The following LANCL3 variants were observed in gnomAD, a reference collection of about 807,000 sequenced individuals.
LANCL3 encodes lanC-like protein 3.
LANCL3 carries 19 observed loss-of-function variants against 26.5 expected under a neutral mutation model. The observed-to-expected ratio is 0.72, with a 90% CI of 0.50 to 1.05. The LOEUF (loss-of-function observed/expected upper bound fraction) is 1.05, where lower values mean the gene tolerates loss of function less well. Among genes scored for constraint, LANCL3 ranks in the 50% least tolerant of loss-of-function variants. The pLI, the probability that LANCL3 is intolerant of heterozygous loss-of-function variation, is 0.00. For missense variants in LANCL3, 318 were observed against 362.7 expected, an observed-to-expected ratio of 0.88 and a Z score of 1.00; for synonymous variants, 160 against 166.6, an observed-to-expected ratio of 0.96 and a Z score of 0.30.
chrX:37,586,084 C>T (rs782035545), intron 1 of LANCL3, among the ~76,000 whole-genome samples: 4 of 111,329 alleles, frequency 3.6e-5, no homozygotes, highest in Non-Finnish European at 5.7e-5. Flanking sequence ...AGGAAATTCT[C>T]GGTTGAAAAT....
At chrX:37,624,153 C>G (rs1227873469) in intron 1 of LANCL3, among the ~76,000 whole-genome samples, 1 of 111,271 alleles carries the variant, frequency 9.0e-6, no homozygotes, top group Non-Finnish European at 1.9e-5. Context: ...TGCCAAATTG[C>G]CTTCCAAAGA....
chrX:37,583,330 G>A (rs1923957731), intron 1 of LANCL3, among the ~76,000 whole-genome samples: 1 of 112,020 alleles, frequency 8.9e-6, no homozygotes, highest in East Asian at 2.8e-4. Flanking sequence ...GAACTTTAAA[G>A]TAGTTTTTTC....
At chrX:37,613,879 G>A (rs1269651092) in intron 1 of LANCL3, among the ~76,000 whole-genome samples, 4 of 112,319 alleles carry the variant, frequency 3.6e-5, no homozygotes, top group African/African-American at 6.5e-5. Flanking sequence ...CAACTATTCT[G>A]TGTGCTTTTC....
chrX:37,647,389 C>T (rs892854992), intron 1 of LANCL3, among the ~76,000 whole-genome samples: 5 of 111,432 alleles, frequency 4.5e-5, no homozygotes, highest in Admixed American at 1.9e-4. Flanking sequence ...ATTGTTCATG[C>T]GTATCAAAAG....
chrX:37,621,888 A>C (rs1168100444), intron 1 of LANCL3, among the ~76,000 whole-genome samples: 1 of 111,145 alleles, frequency 9.0e-6, no homozygotes, highest in Non-Finnish European at 1.9e-5. Flanking sequence ...CTTTAGGCCA[A>C]ATTGCCTCCT....
In LANCL3 at chrX:37,572,245, G is replaced by T; in HGVS notation, c.375G>T (p.Ala125=). 1 of 1,147,058 alleles carries T rather than the reference G, an allele frequency of 8.7e-7. No individual in the cohort carries two copies. Among genetic ancestry groups the T allele is most frequent in the Non-Finnish European group, 1.2e-6 (1 of 865,743 alleles). The allele number at this position is 1,147,058 out of a possible 1,213,427, so 94.5% of individuals were successfully genotyped here. The part of the protein sequence containing the change: ...DTRAAFLLGG[A]GVYAVATLVY... ...GCGCCGCCTTCCTGCTCGGGGGCGC[G>T]GGCGTGTACGCCGTGGCCACGCTCG... The change falls in exon 1 of 5, where the codon GCG becomes GCT. Residue 125 remains alanine (A), a synonymous_variant. Coordinates refer to ENST00000378619, the MANE Select transcript of LANCL3 (RefSeq NM_001170331.2).
chrX:37,619,006 T>A (rs1925083992), intron 1 of LANCL3, among the ~76,000 whole-genome samples: 1 of 111,663 alleles, frequency 9.0e-6, no homozygotes, highest in African/African-American at 3.3e-5. Flanking sequence ...TCCAGTTGTT[T>A]AACTCTTGTT....
chrX:37,620,335 A>G (rs1458056292), intron 1 of LANCL3, among the ~76,000 whole-genome samples: 1 of 112,244 alleles, frequency 8.9e-6, no homozygotes, highest in Admixed American at 9.5e-5. Context: ...GCCCAAGGCA[A>G]AAGAGTAAGT....
At chrX:37,627,598 T>C (rs1438722144) in intron 1 of LANCL3, among the ~76,000 whole-genome samples, 2 of 111,753 alleles carry the variant, frequency 1.8e-5, no homozygotes, top group Non-Finnish European at 3.8e-5. Context: ...AATCAGCATG[T>C]ACATTACAAT....
At chrX:37,628,261 C>T (rs982111051) in intron 1 of LANCL3, among the ~76,000 whole-genome samples, 6 of 110,787 alleles carry the variant, frequency 5.4e-5, no homozygotes, top group African/African-American at 1.3e-4. Context: ...GCCCCAAATG[C>T]GTAAGGTAAC....
At chrX:37,608,534 G>A in intron 1 of LANCL3, among the ~76,000 whole-genome samples, 2 of 111,855 alleles carry the variant, frequency 1.8e-5, no homozygotes, top group Non-Finnish European at 3.8e-5. Context: ...ATCTTTGATT[G>A]GAGCAAGTAT....
rs1215775756 is a variant in LANCL3, at chrX:37,682,415, T to G, written c.*6602T>G. ...AATGTACATGCTTTAATGTGTACTG[T>G]TCTAGTAATATGTATGAAGTAGCTG... is the stretch of plus-strand genomic sequence containing the variant. On this transcript the variant is annotated 3_prime_UTR_variant, in exon 5 of 5. Transcript: ENST00000378619. The G allele has an allele frequency of 1.8e-5, 2 of 112,254 alleles. No individual in the cohort carries two copies. The highest frequency in any genetic ancestry group is 6.5e-5 in the African/African-American group (2 of 30,855). The allele number at this position is 112,254 out of a possible 1,213,427, so 9.3% of individuals were successfully genotyped here.
intron 1 of LANCL3, among the ~76,000 whole-genome samples, chrX:37,630,738 C>T (rs1240325682): frequency 4.4e-4 from 49 of 110,693 alleles, no homozygotes; most frequent in Non-Finnish European, 6.4e-4. Context: ...GTTCTGTTTA[C>T]ATGCTGGATT....
chrX:37,631,800 C>T (rs1169064984), intron 1 of LANCL3, among the ~76,000 whole-genome samples: 16 of 111,453 alleles, frequency 1.4e-4, no homozygotes, highest in Non-Finnish European at 2.8e-4. Context: ...AGTTTGATTG[C>T]ACTGTGGTCT....
At chrX:37,596,379 G>T (rs1488844239) in intron 1 of LANCL3, among the ~76,000 whole-genome samples, 1 of 112,042 alleles carries the variant, frequency 8.9e-6, no homozygotes, top group Non-Finnish European at 1.9e-5. Flanking sequence ...GTGTCAAATG[G>T]CTTTTAACAT....
chrX:37,572,623 C>G (rs189365534), intron 1 of LANCL3, among the ~76,000 whole-genome samples, 180 bp downstream of exon 1: 385 of 112,453 alleles, frequency 3.4e-3, no homozygotes, highest in African/African-American at 0.012. Flanking sequence ...CCTCTTCTTT[C>G]CTGTCGTTTT....
chrX:37,651,913 G>A (rs1299353634), intron 1 of LANCL3, among the ~76,000 whole-genome samples: 1 of 111,161 alleles, frequency 9.0e-6, no homozygotes, highest in Non-Finnish European at 1.9e-5. Context: ...ACTGCTGGGT[G>A]GTTTATTCTG....
Position 37,661,856 on chromosome X carries a change from A to G in LANCL3, c.895+2197A>G, listed in dbSNP as rs6610479. 7.6e-3 allele frequency among the ~76,000 whole-genome samples: 858 copies of G among 112,266 alleles called. 27 individuals are homozygous for G. Among genetic ancestry groups the G allele is most frequent in the Admixed American group, 0.069 (727 of 10,595 alleles). On this transcript the variant is annotated intron_variant, in intron 3 of 4. Coordinates refer to ENST00000378619, the MANE Select transcript of LANCL3 (RefSeq NM_001170331.2). ...TTATCTGTTCCTATAATTGTTTCCT[A>G]CTGGTGCTCCTTCAACCCACCTCCA...
chrX:37,585,966 T>A (rs1241048125), intron 1 of LANCL3, among the ~76,000 whole-genome samples: 1 of 111,751 alleles, frequency 8.9e-6, no homozygotes, highest in African/African-American at 3.3e-5. Flanking sequence ...AGTGCTTCCT[T>A]CAGGAGCTCT....
Sources: allele counts gnomAD v4.1 joint callset (sites outside exome capture counted in the v4.1 genomes callset), GRCh38; gene constraint gnomAD v4.1.1; transcripts MANE v1.5; gene names NCBI Gene and HGNC (gene_info 2026-07-23, HGNC 2026-07-21).